Variants in PRRT3 observed in about 807,000 individuals in gnomAD.
PRRT3 encodes proline rich transmembrane protein 3.
A neutral mutation model predicts 56.6 loss-of-function variants in PRRT3; 48 were observed. The ratio of observed to expected loss-of-function variants is 0.85; its 90% CI spans 0.67 to 1.08. The LOEUF (loss-of-function observed/expected upper bound fraction) is 1.08, where lower values mean the gene tolerates loss of function less well. Ranked by LOEUF, PRRT3 falls within the 50% of genes least tolerant of loss-of-function variation. The pLI is 0.00. For missense variants in PRRT3, 1,370 were observed against 1,353.1 expected, an observed-to-expected ratio of 1.01 and a Z score of -0.20; for synonymous variants, 641 against 619.1, an observed-to-expected ratio of 1.04 and a Z score of -0.52.
chr3:9,947,690 C>A lies in PRRT3; in HGVS notation c.1483G>T (p.Ala495Ser). Reference protein sequence around the residue: ...PALLALAALAAAPAGPRLALV... With the variant: ...PALLALAALASAPAGPRLALV... ...GCCAGCCGGGGCCCTGCTGGGGCGG[C>A]TGCCAGCGCAGCCAGCGCCAACAAC... Residue 495 changes from alanine to serine, a missense_variant, in exon 4 of 4, where the codon GCC becomes TCC. Ala to Ser is a moderately conservative substitution (Grantham distance 99, BLOSUM62 1). Coordinates refer to ENST00000412055, the MANE Select transcript of PRRT3 (RefSeq NM_207351.5). This position sits in a 1 kb window ranked among gnomAD's most constrained non-coding sequence, Gnocchi z 9.2. 6.4e-7 allele frequency: 1 copy of A among 1,568,606 alleles called. No homozygotes were observed. The highest frequency in any genetic ancestry group is 8.6e-7 in the Non-Finnish European group (1 of 1,160,646).
At position 9,947,399 on chromosome 3, in the gene PRRT3, A is replaced by T. The variant is rs2085544911; in HGVS notation, c.1774T>A (p.Ser592Thr). 6.2e-7 allele frequency: 1 copy of T among 1,612,392 alleles called. No homozygotes were observed. Residue 592 changes from serine to threonine, a missense_variant, in exon 4 of 4, where the codon TCC (serine) becomes ACC (threonine). By Grantham distance (58) the Ser-to-Thr change is moderately conservative. Transcript: ENST00000412055. The surrounding 1 kb of genome is among the most constrained non-coding windows in gnomAD (Gnocchi z 9.2). ...AGGAGGTTGAGCACAGACCATGTGGACAGCAGGTCTGTCGCGAGCAACCCT... is the reference window on the plus strand; with the variant it reads ...AGGAGGTTGAGCACAGACCATGTGGTCAGCAGGTCTGTCGCGAGCAACCCT... The part of the protein sequence containing the change: ...GVGLLATDLL[S>T]TWSVLNLLTQ...
In PRRT3 at chr3:9,947,827, G is replaced by T; in HGVS notation, c.1346C>A (p.Pro449His). ...CGGGGGTGCAGTGGCGTTGGCTGGGGGGCTGGAGGCTGGGGCTGAAGCCAT... is the reference window on the plus strand; with the variant it reads ...CGGGGGTGCAGTGGCGTTGGCTGGGTGGCTGGAGGCTGGGGCTGAAGCCAT... ...SSMASAPASS[P>H]PANATAPPLR... The change falls in exon 4 of 4, where the codon CCC (proline) becomes CAC (histidine). Residue 449 changes from proline (P) to histidine (H), a missense_variant. Pro to His is a moderately conservative substitution (Grantham distance 77). Coordinates refer to ENST00000412055, the MANE Select transcript of PRRT3 (RefSeq NM_207351.5). This position sits in a 1 kb window ranked among gnomAD's most constrained non-coding sequence, Gnocchi z 9.2. 1 of 1,440,690 alleles carries T rather than the reference G, an allele frequency of 6.9e-7. No individual in the cohort carries two copies. The allele number at this position is 1,440,690 out of a possible 1,614,324, so 89.2% of individuals were successfully genotyped here.
In PRRT3 at chr3:9,949,229, A is replaced by C; in HGVS notation, c.887T>G (p.Val296Gly). Reference sequence around the variant, plus strand: ...ACCTGGGGAGCTGACTTCCCAGGACACCTCAGCGCCAGCCCTCTTGGGGGT... The same window carrying C: ...ACCTGGGGAGCTGACTTCCCAGGACCCCTCAGCGCCAGCCCTCTTGGGGGT... Reference protein sequence around the residue: ...VETPKRAGAEVSWEVSSPGPP... With the variant: ...VETPKRAGAEGSWEVSSPGPP... The change falls in exon 2 of 4, where the codon GTG (valine) becomes GGG (glycine). Residue 296 changes from valine to glycine, a missense_variant. Coordinates refer to ENST00000412055, the MANE Select transcript of PRRT3 (RefSeq NM_207351.5). This position sits in a 1 kb window ranked among gnomAD's most constrained non-coding sequence, Gnocchi z 4.5. The C allele has an allele frequency of 1.2e-6, 2 of 1,602,350 alleles. No individual in the cohort carries two copies. Among genetic ancestry groups the C allele is most frequent in the Non-Finnish European group, 1.7e-6 (2 of 1,174,520 alleles).
At chr3:9,951,557 C>T (rs1224293980) in intron 1 of PRRT3, among the ~76,000 whole-genome samples, 1 of 152,226 alleles carries the variant, frequency 6.6e-6, no homozygotes, top group Non-Finnish European at 1.5e-5. Flanking sequence ...ATTCACGGAG[C>T]CCCATGGGCT....
At position 9,949,445 on chromosome 3, in the gene PRRT3, T is replaced by A. The variant is rs750783585; in HGVS notation, c.671A>T (p.Glu224Val). 5.6e-6 allele frequency: 9 copies of A among 1,613,976 alleles called. 1 individual carries two copies. The Admixed American group carries it at 1.5e-4, about 27-fold the overall frequency. ...GTGTTCCTCAAACCCACCCTGTCCT[T>A]CCAGCACTGGCCTCTTGACAGTACC... The part of the protein sequence containing the change: ...HSGTVKRPVL[E>V]GQGGFEEHLQ... Residue 224 changes from glutamate to valine, a missense_variant, in exon 2 of 4, where the codon GAA becomes GTA. Transcript: ENST00000412055. The surrounding 1 kb of genome is among the most constrained non-coding windows in gnomAD (Gnocchi z 4.5).
Position 9,949,704 on chromosome 3 carries a change from G to T in PRRT3, c.412C>A (p.Gln138Lys), listed in dbSNP as rs279601. ...GGGTGGGGAGCCACTGCTTCTTGCT[G>T]CAGAAGCTCTTGTGAGTCCAGAGGT... is the stretch of plus-strand genomic sequence containing the variant. Reference protein sequence around the residue: ...TGPLDSQELLQQEAVAPHPVG... With the variant: ...TGPLDSQELLKQEAVAPHPVG... Residue 138 changes from glutamine to lysine, a missense_variant, in exon 2 of 4, where the codon CAG becomes AAG. Gln to Lys is a moderately conservative substitution (Grantham distance 53). Transcript: ENST00000412055. This position sits in a 1 kb window ranked among gnomAD's most constrained non-coding sequence, Gnocchi z 4.5. The T allele has an allele frequency of 1.9e-6, 3 of 1,614,018 alleles. No individual in the cohort carries two copies. The highest frequency in any genetic ancestry group is 2.2e-5 in the East Asian group (1 of 44,880).
At chr3:9,948,072 T>G (rs754189554) in intron 3 of PRRT3, 71 bp from the exon 4 acceptor site, 7 of 1,263,244 alleles carry the variant, frequency 5.5e-6, no homozygotes, top group Admixed American at 3.9e-5. Context: ...TCTAGTGTGG[T>G]TGGCAAGTCA....
intron 1 of PRRT3, among the ~76,000 whole-genome samples, chr3:9,950,923 G>C (rs1292783168): frequency 6.6e-6 from 1 of 152,182 alleles, no homozygotes; most frequent in South Asian, 2.1e-4. Context: ...TCCTGGGGGA[G>C]TCATTTCACC....
Position 9,947,642 on chromosome 3 carries a change from G to GC in PRRT3, c.1530dup (p.Leu511AlafsTer141). 5.7e-6 allele frequency: 9 copies of GC among 1,573,642 alleles called. No individual in the cohort carries two copies. The highest frequency in any genetic ancestry group is 7.8e-6 in the Non-Finnish European group (9 of 1,160,372). On this transcript the variant is annotated frameshift_variant, in exon 4 of 4. Coordinates refer to ENST00000412055, the MANE Select transcript of PRRT3 (RefSeq NM_207351.5). LOFTEE classifies it high-confidence loss of function. This position sits in a 1 kb window ranked among gnomAD's most constrained non-coding sequence, Gnocchi z 9.2. ...GCGGATCGCAGCGCCGAAGCCACGA[G>GC]CACCAGCACCGCGGCCACCAATGCC... is the stretch of plus-strand genomic sequence containing the variant.
Position 9,947,518 on chromosome 3 carries a change from A to G in PRRT3, c.1655T>C (p.Leu552Pro). 6.2e-7 allele frequency: 1 copy of G among 1,611,836 alleles called. No homozygotes were observed. Among genetic ancestry groups the G allele is most frequent in the South Asian group, 1.1e-5 (1 of 91,022 alleles). The change falls in exon 4 of 4, where the codon CTG becomes CCG. Residue 552 changes from leucine (L) to proline (P), a missense_variant. Leu to Pro is a moderately conservative substitution (Grantham distance 98). Coordinates refer to ENST00000412055, the MANE Select transcript of PRRT3 (RefSeq NM_207351.5). The surrounding 1 kb of genome is among the most constrained non-coding windows in gnomAD (Gnocchi z 9.2). ...NLPFPLLLTA[L>P]AALTLLGLGA... The stretch of plus-strand genomic sequence containing the variant: ...CAGGCCGAGCAGAGTCAGGGCTGCC[A>G]GCGCCGTAAGCAGCAAGGGGAAGGG...
chr3:9,951,865 G>T (rs1163551007), intron 1 of PRRT3, among the ~76,000 whole-genome samples: 1 of 152,228 alleles, frequency 6.6e-6, no homozygotes, highest in Non-Finnish European at 1.5e-5. Flanking sequence ...GAAACCCTCG[G>T]AGGCTCATCT....
chr3:9,946,308 C>A lies in PRRT3; in HGVS notation c.2865G>T (p.Gln955His). The A allele has an allele frequency of 6.2e-7, 1 of 1,612,760 alleles. No homozygotes were observed. ...GCTGGACCTCTCCCTGGCCGTCCCCCTGCCGAGCGGCGGTAGAATCAGGGG... is the reference window on the plus strand; with the variant it reads ...GCTGGACCTCTCCCTGGCCGTCCCCATGCCGAGCGGCGGTAGAATCAGGGG... ...TPAPDSTAAR[Q>H]GDGQGEVQPR... Residue 955 changes from glutamine to histidine, a missense_variant, in exon 4 of 4, where the codon CAG becomes CAT. By Grantham distance (24) the Gln-to-His change is conservative (BLOSUM62 0). Transcript: ENST00000412055. The surrounding 1 kb of genome is among the most constrained non-coding windows in gnomAD (Gnocchi z 4.1).
chr3:9,946,674 G>C lies in PRRT3; in HGVS notation c.2499C>G (p.Arg833=). The C allele has an allele frequency of 7.0e-7, 1 of 1,420,940 alleles. No individual in the cohort carries two copies. The highest frequency in any genetic ancestry group is 9.1e-7 in the Non-Finnish European group (1 of 1,097,544). 88.0% of individuals were successfully genotyped at this position (1,420,940 alleles called of 1,614,324 possible). A position where few individuals can be genotyped will look rare whatever the true frequency, so the allele number is the denominator to read the frequency against. The change falls in exon 4 of 4, where the codon CGC becomes CGG. Residue 833 remains arginine (R), a synonymous_variant. Transcript: ENST00000412055. This position sits in a 1 kb window ranked among gnomAD's most constrained non-coding sequence, Gnocchi z 4.1. ...EHLVRDSVFQ[R]CGLRGLASPP... ...GGGAGGCCAGGCCGCGGAGGCCGCA[G>C]CGCTGGAACACACTGTCTCGCACTA...
chr3:9,949,782 C>G lies in PRRT3; in HGVS notation c.334G>C (p.Val112Leu). The G allele has an allele frequency of 6.2e-7, 1 of 1,614,184 alleles. No homozygotes were observed. Among genetic ancestry groups the G allele is most frequent in the Non-Finnish European group, 8.5e-7 (1 of 1,180,030 alleles). Residue 112 changes from valine (V) to leucine (L), a missense_variant, in exon 2 of 4, where the codon GTA (valine) becomes CTA (leucine). Transcript: ENST00000412055. This position sits in a 1 kb window ranked among gnomAD's most constrained non-coding sequence, Gnocchi z 4.5. ...TGAGCCATCTGGAGGTCATCAGTTA[C>G]TGGGAGTCGTTCTCTCTGAGCTCCT... ...AQGAQRERLP[V>L]TDDLQMAQGP...
Position 9,950,190 on chromosome 3 carries a change from C to A in PRRT3, c.-57-18G>T. ...GGATGAGCCTAAAAAAAAAACAGGG[C>A]ATGGAATGACATGTGAGGGCTGGGG... On this transcript the variant is annotated intron_variant, in intron 1 of 3. Coordinates refer to ENST00000412055, the MANE Select transcript of PRRT3 (RefSeq NM_207351.5). 8.0e-7 allele frequency: 1 copy of A among 1,250,876 alleles called. No individual in the cohort carries two copies. The highest frequency in any genetic ancestry group is 1.0e-6 in the Non-Finnish European group (1 of 974,628). 77.5% of individuals were successfully genotyped at this position (1,250,876 alleles called of 1,614,324 possible). A position where few individuals can be genotyped will look rare whatever the true frequency, so the allele number is the denominator to read the frequency against.
chr3:9,946,594 A>G lies in PRRT3; in HGVS notation c.2579T>C (p.Leu860Pro), dbSNP rs1052509955. The change falls in exon 4 of 4, where the codon CTC becomes CCC. Residue 860 changes from leucine (L) to proline (P), a missense_variant. Leu to Pro is a moderately conservative substitution (Grantham distance 98). Coordinates refer to ENST00000412055, the MANE Select transcript of PRRT3 (RefSeq NM_207351.5). This position sits in a 1 kb window ranked among gnomAD's most constrained non-coding sequence, Gnocchi z 4.1. Reference sequence around the variant, plus strand: ...GAGGAGCGAGGAGCCAGCGTCGTCGAGCTCGGCTTTGGGATGGCTGCCCCG... The same window carrying G: ...GAGGAGCGAGGAGCCAGCGTCGTCGGGCTCGGCTTTGGGATGGCTGCCCCG... ...PRRGSHPKAE[L>P]DDAGSSLLRG... 7.1e-6 allele frequency: 10 copies of G among 1,401,124 alleles called. No individual in the cohort carries two copies. In the African/African-American group the frequency reaches 1.5e-4, roughly 21 times the overall value. The allele number at this position is 1,401,124 out of a possible 1,614,324, so 86.8% of individuals were successfully genotyped here. A position where few individuals can be genotyped will look rare whatever the true frequency, so the allele number is the denominator to read the frequency against.
chr3:9,946,893 C>T lies in PRRT3; in HGVS notation c.2280G>A (p.Glu760=). 6.5e-7 allele frequency: 1 copy of T among 1,539,242 alleles called. No individual in the cohort carries two copies. The highest frequency in any genetic ancestry group is 8.7e-7 in the Non-Finnish European group (1 of 1,148,142). Residue 760 remains glutamate (E), a synonymous_variant, in exon 4 of 4, where the codon GAG becomes GAA. Transcript: ENST00000412055. The surrounding 1 kb of genome is among the most constrained non-coding windows in gnomAD (Gnocchi z 4.1). ...ISKSLIRNPA[E]SGQLATPSSG... The stretch of plus-strand genomic sequence containing the variant: ...AACTGGGCGTGGCCAGCTGCCCACT[C>T]TCCGCCGGGTTGCGGATGAGGCTCT...
In PRRT3 at chr3:9,946,684, A is replaced by G. The variant is rs2085528864; in HGVS notation, c.2489T>C (p.Val830Ala). 1.4e-6 allele frequency: 2 copies of G among 1,440,162 alleles called. No individual in the cohort carries two copies. The highest frequency in any genetic ancestry group is 5.6e-5 in the Admixed American group (2 of 35,588). 89.2% of individuals were successfully genotyped at this position (1,440,162 alleles called of 1,614,324 possible). ...LFREHLVRDS[V>A]FQRCGLRGLA... The stretch of plus-strand genomic sequence containing the variant: ...GCCGCGGAGGCCGCAGCGCTGGAAC[A>G]CACTGTCTCGCACTAGGTGCTCGCG... Residue 830 changes from valine (V) to alanine (A), a missense_variant, in exon 4 of 4, where the codon GTG (valine) becomes GCG (alanine). By Grantham distance (64) the Val-to-Ala change is moderately conservative (BLOSUM62 0). Coordinates refer to ENST00000412055, the MANE Select transcript of PRRT3 (RefSeq NM_207351.5). The surrounding 1 kb of genome is among the most constrained non-coding windows in gnomAD (Gnocchi z 4.1).
rs954834429 is a variant in PRRT3 at position 9,946,503 on chromosome 3, T to C, written c.2670A>G (p.Glu890=). ...CCGCAGCGGCTGCCCCGTCGGGTGC[T>C]TCCACTACGTGCTGTGGGACCGGCC... The part of the protein sequence containing the change: ...VRGPVPQHVV[E]APDGAAAAAS... The change falls in exon 4 of 4, where the codon GAA becomes GAG. Residue 890 remains glutamate (E), a synonymous_variant. Transcript: ENST00000412055. The surrounding 1 kb of genome is among the most constrained non-coding windows in gnomAD (Gnocchi z 4.1). 161 of 1,534,782 alleles carry C rather than the reference T, an allele frequency of 1.0e-4. No individual in the cohort carries two copies. Among genetic ancestry groups the C allele is most frequent in the Middle Eastern group, 6.8e-4 (4 of 5,884 alleles).
Sources: gnomAD v4.1 joint callset for allele counts (sites outside exome capture counted in the v4.1 genomes callset) on GRCh38, gnomAD v4.1.1 for gene constraint, Gnocchi (gnomAD v3.1) non-coding constraint, MANE v1.5 for transcripts, NCBI Gene and HGNC (gene_info 2026-07-23, HGNC 2026-07-21) for gene names.